Variants in SLC45A1 observed in about 807,000 individuals in gnomAD.
The protein encoded by SLC45A1 is solute carrier family 45 member 1, also known as proton-associated sugar transporter A.
A neutral mutation model predicts 57.6 loss-of-function variants in SLC45A1; 28 were observed. The ratio of observed to expected loss-of-function variants is 0.49; its 90% CI spans 0.36 to 0.67. SLC45A1 has a LOEUF of 0.67. SLC45A1 is among the 30% of genes least tolerant of loss of function. SLC45A1 has a pLI of 0.00. For synonymous variants in SLC45A1, 459 were observed against 471.5 expected (o/e 0.97, Z 0.34); for missense variants, 814 against 1,041.5 (o/e 0.78, Z 3.01).
chr1:8,329,743 C>A (rs1640318751), intron 4 of SLC45A1, among the ~76,000 whole-genome samples: 1 of 152,224 alleles, frequency 6.6e-6, no homozygotes, highest in Non-Finnish European at 1.5e-5. Context: ...TCTGTGGTCA[C>A]CACAGGGGGC....
chr1:8,344,043 C>T lies in SLC45A1; in HGVS notation c.*30C>T. ...GCGGAGCCTCGACTCCGGACACGCG[C>T]CTGCACCTGGGGGTCTGGAGCAGGC... On this transcript the variant is annotated 3_prime_UTR_variant, in exon 9 of 9. Coordinates refer to ENST00000471889, the MANE Select transcript of SLC45A1 (RefSeq NM_001080397.3). 1 of 1,581,124 alleles carries T rather than the reference C, an allele frequency of 6.3e-7. No homozygotes were observed. The highest frequency in any genetic ancestry group is 1.1e-5 in the South Asian group (1 of 88,044).
chr1:8,330,480 C>A lies in SLC45A1; in HGVS notation c.987C>A (p.His329Gln). Residue 329 changes from histidine to glutamine, a missense_variant, in exon 5 of 9, where the codon CAC becomes CAA. Physicochemically the swap from His to Gln is conservative, Grantham distance 24. Coordinates refer to ENST00000471889, the MANE Select transcript of SLC45A1 (RefSeq NM_001080397.3). This position sits in a 1 kb window ranked among gnomAD's most constrained non-coding sequence, Gnocchi z 8.4. ...EEGPGDSLPS[H>Q]TATNFSSPIS... ...GCCCTGGCGACAGCCTCCCGTCGCA[C>A]ACGGCCACCAACTTCTCCAGCCCCA... 1 of 1,612,920 alleles carries A rather than the reference C, an allele frequency of 6.2e-7. No individual in the cohort carries two copies. The highest frequency in any genetic ancestry group is 8.5e-7 in the Non-Finnish European group (1 of 1,179,892).
rs1365909904 is a variant in SLC45A1, at chr1:8,339,659, G to GC, written c.1943dup (p.Tyr649LeufsTer11). On this transcript the variant is annotated frameshift_variant, in exon 8 of 9. Coordinates refer to ENST00000471889, the MANE Select transcript of SLC45A1 (RefSeq NM_001080397.3). LOFTEE classifies it high-confidence loss of function. ...TTTTATTTTCCACCCTGTGCACCTT[G>GC]CCTTACTCGCTGCTCTGCGATTACT... 1 of 1,614,228 alleles carries GC rather than the reference G, an allele frequency of 6.2e-7. No individual in the cohort carries two copies. The highest frequency in any genetic ancestry group is 8.5e-7 in the Non-Finnish European group (1 of 1,180,050).
At position 8,330,845 on chromosome 1, in the gene SLC45A1, T is replaced by C; in HGVS notation, c.1352T>C (p.Leu451Pro). ...TCTAAGCCGAGGTCATCAGGGATTC[T>C]GAAGAGACCTCAGACCTTGGCCATC... ...DTSKPRSSGILKRPQTLAIPD... is the reference protein window; with the variant it reads ...DTSKPRSSGIPKRPQTLAIPD... The change falls in exon 5 of 9, where the codon CTG (leucine) becomes CCG (proline). Residue 451 changes from leucine (L) to proline (P), a missense_variant. Transcript: ENST00000471889. This position sits in a 1 kb window ranked among gnomAD's most constrained non-coding sequence, Gnocchi z 8.4. 1 of 1,613,380 alleles carries C rather than the reference T, an allele frequency of 6.2e-7. No individual in the cohort carries two copies.
Position 8,330,178 on chromosome 1 carries a change from A to G in SLC45A1, c.716-31A>G. 1 of 1,599,760 alleles carries G rather than the reference A, an allele frequency of 6.3e-7. No homozygotes were observed. Among genetic ancestry groups the G allele is most frequent in the Non-Finnish European group, 8.5e-7 (1 of 1,172,142 alleles). On this transcript the variant is annotated intron_variant, in intron 4 of 8. Coordinates refer to ENST00000471889, the MANE Select transcript of SLC45A1 (RefSeq NM_001080397.3). This position sits in a 1 kb window ranked among gnomAD's most constrained non-coding sequence, Gnocchi z 8.4. ...GCGTTTGGGGCTTCTCCTCCCGCAG[A>G]AGGGAACTCAAACCCTGTCTCTTTC...
At chr1:8,341,395 C>T (rs1310813531) in intron 8 of SLC45A1, among the ~76,000 whole-genome samples, 5 of 149,918 alleles carry the variant, frequency 3.3e-5, no homozygotes, top group Non-Finnish European at 5.9e-5. Flanking sequence ...ATTAGCCAGG[C>T]GTGGTGGCGG....
intron 5 of SLC45A1, among the ~76,000 whole-genome samples, chr1:8,332,466 A>C (rs1017026901): frequency 6.6e-6 from 1 of 151,488 alleles, no homozygotes; most frequent in African/African-American, 2.4e-5. Flanking sequence ...TATACGTCAG[A>C]TGGGCTGCAA....
At chr1:8,331,349 T>G (rs1329530359) in intron 5 of SLC45A1, among the ~76,000 whole-genome samples, 1 of 80,274 alleles carries the variant, frequency 1.2e-5, no homozygotes, top group Non-Finnish European at 2.5e-5. Context: ...AAAAAACACT[T>G]TTAAAAAATA....
At chr1:8,342,009 C>A (rs1344622211) in intron 8 of SLC45A1, among the ~76,000 whole-genome samples, 1 of 152,112 alleles carries the variant, frequency 6.6e-6, no homozygotes. Flanking sequence ...AGATCGAGAC[C>A]ATCCTGGCTA....
chr1:8,324,646 C>T lies in SLC45A1; in HGVS notation c.317C>T (p.Ala106Val), dbSNP rs1318667576. The T allele has an allele frequency of 6.2e-7, 1 of 1,604,946 alleles. No homozygotes were observed. Among genetic ancestry groups the T allele is most frequent in the Middle Eastern group, 1.7e-4 (1 of 6,052 alleles). Reference sequence around the variant, plus strand: ...GAGTTCAGCTACGCCATGGAGACGGCGTACGTGACCCCGGTGCTCCTGCAG... The same window carrying T: ...GAGTTCAGCTACGCCATGGAGACGGTGTACGTGACCCCGGTGCTCCTGCAG... ...GIEFSYAMET[A>V]YVTPVLLQMG... Residue 106 changes from alanine to valine, a missense_variant, in exon 2 of 9, where the codon GCG becomes GTG. Physicochemically the swap from Ala to Val is moderately conservative, Grantham distance 64. Transcript: ENST00000471889.
rs1030230461 is a variant in SLC45A1 at position 8,343,209 on chromosome 1, G to A, written c.1981-538G>A. 2.6e-5 allele frequency among the ~76,000 whole-genome samples: 4 copies of A among 152,110 alleles called. No homozygotes were observed. Among genetic ancestry groups the A allele is most frequent in the South Asian group, 2.1e-4 (1 of 4,830 alleles). On this transcript the variant is annotated intron_variant, in intron 8 of 8. Coordinates refer to ENST00000471889, the MANE Select transcript of SLC45A1 (RefSeq NM_001080397.3). This position sits in a 1 kb window ranked among gnomAD's most constrained non-coding sequence, Gnocchi z 7.7. Reference sequence around the variant, plus strand: ...GAAAGCCATGCCACCGCTCCCCACCGTCACTCTGCACAGACCACACTCTCA... The same window carrying A: ...GAAAGCCATGCCACCGCTCCCCACCATCACTCTGCACAGACCACACTCTCA...
At chr1:8,336,795 G>T (rs888737655) in intron 6 of SLC45A1, among the ~76,000 whole-genome samples, 1 of 152,040 alleles carries the variant, frequency 6.6e-6, no homozygotes, top group African/African-American at 2.4e-5. Context: ...ATTATGGTTC[G>T]AGAGGGCCTA....
intron 1 of SLC45A1, among the ~76,000 whole-genome samples, chr1:8,321,473 C>T (rs1003017827): frequency 5.3e-5 from 8 of 152,150 alleles, no homozygotes; most frequent in Admixed American, 5.2e-4. Context: ...CTCACCCCAC[C>T]CCCACTGTGC....
intron 1 of SLC45A1, 75 bp from the exon 2 acceptor site, chr1:8,324,231 A>G: frequency 7.7e-7 from 1 of 1,305,344 alleles, no homozygotes. Flanking sequence ...TAAATTCTGC[A>G]GTGTGAACTC....
rs770745708 is a variant in SLC45A1 at position 8,335,476 on chromosome 1, G to C, written c.1483G>C (p.Glu495Gln). The C allele has an allele frequency of 1.2e-6, 2 of 1,600,352 alleles. No homozygotes were observed. The highest frequency in any genetic ancestry group is 8.5e-7 in the Non-Finnish European group (1 of 1,179,192). Reference sequence around the variant, plus strand: ...GCTCAACGGCGTGAAGTATGAGAGCGAGCTGACGGGCTCCAGCGAGCGCGC... The same window carrying C: ...GCTCAACGGCGTGAAGTATGAGAGCCAGCTGACGGGCTCCAGCGAGCGCGC... ...ILLNGVKYESELTGSSERAEQ... is the reference protein window; with the variant it reads ...ILLNGVKYESQLTGSSERAEQ... Residue 495 changes from glutamate to glutamine, a missense_variant, in exon 6 of 9, where the codon GAG (glutamate) becomes CAG (glutamine). Physicochemically the swap from Glu to Gln is conservative, Grantham distance 29. Coordinates refer to ENST00000471889, the MANE Select transcript of SLC45A1 (RefSeq NM_001080397.3). This position sits in a 1 kb window ranked among gnomAD's most constrained non-coding sequence, Gnocchi z 4.1.
intron 1 of SLC45A1, among the ~76,000 whole-genome samples, chr1:8,318,565 T>G (rs1368027624): frequency 6.6e-6 from 1 of 152,216 alleles, no homozygotes; most frequent in Non-Finnish European, 1.5e-5. Flanking sequence ...CTGAGCCCTC[T>G]TGTTGACCAG....
At chr1:8,331,056 G>A in intron 5 of SLC45A1, 120 bp downstream of exon 5, 1 of 1,297,512 alleles carries the variant, frequency 7.7e-7, no homozygotes, top group South Asian at 1.5e-5. Flanking sequence ...TTATGGGGGT[G>A]TTATCAAGTG....
rs1640197039 is a variant in SLC45A1, at chr1:8,326,120, C to T, written c.715+78C>T. 1 of 1,109,804 alleles carries T rather than the reference C, an allele frequency of 9.0e-7. No homozygotes were observed. Among genetic ancestry groups the T allele is most frequent in the Non-Finnish European group, 1.3e-6 (1 of 758,734 alleles). 68.7% of individuals were successfully genotyped at this position (1,109,804 alleles called of 1,614,324 possible). ...ACGTGTGGCTTTCGAGGCCCTTCCT[C>T]ACTCCCTGATTTAACAAAGAAGCTG... On this transcript the variant is annotated intron_variant, in intron 4 of 8. Transcript: ENST00000471889. The surrounding 1 kb of genome is among the most constrained non-coding windows in gnomAD (Gnocchi z 5.5).
chr1:8,320,669 C>CTCTCTCTG (rs1312888737), intron 1 of SLC45A1, among the ~76,000 whole-genome samples: 1 of 139,166 alleles, frequency 7.2e-6, no homozygotes, highest in African/African-American at 2.7e-5. Context: ...CTCTCTCTCT[C>CTCTCTCTG]TCTCTCTGTT....
Sources: gnomAD v4.1 joint callset for allele counts (sites outside exome capture counted in the v4.1 genomes callset) on GRCh38, gnomAD v4.1.1 for gene constraint, Gnocchi (gnomAD v3.1) non-coding constraint, MANE v1.5 for transcripts, NCBI Gene and HGNC (gene_info 2026-07-23, HGNC 2026-07-21) for gene names.